Variants in DCAF4 observed in about 807,000 individuals in gnomAD.
The protein encoded by DCAF4 is DDB1- and CUL4-associated factor 4.
A neutral mutation model predicts 60.9 loss-of-function variants in DCAF4; 37 were observed. The observed-to-expected ratio is 0.61, with a 90% CI of 0.47 to 0.80. The LOEUF is 0.80. Ranked by LOEUF, DCAF4 falls within the 30% of genes least tolerant of loss-of-function variation. DCAF4 has a pLI of 0.00. For missense variants in DCAF4, 577 were observed against 650.0 expected, an observed-to-expected ratio of 0.89 and a Z score of 1.22; for synonymous variants, 243 against 254.8, an observed-to-expected ratio of 0.95 and a Z score of 0.44.
In DCAF4 at chr14:72,958,780, A is replaced by T. The variant is rs936190758; in HGVS notation, c.1463A>T (p.Asp488Val). The T allele has an allele frequency of 6.3e-7, 1 of 1,584,974 alleles. No homozygotes were observed. Among genetic ancestry groups the T allele is most frequent in the Non-Finnish European group, 8.6e-7 (1 of 1,166,792 alleles). The stretch of plus-strand genomic sequence containing the variant: ...GGGCTGCTCATGGCTGTCGGGCAGG[A>T]CCTTTACTGTTACTCCTACAGCTAA... ...APGLLMAVGQ[D>V]LYCYSYS Residue 488 changes from aspartate to valine, a missense_variant, in exon 14 of 14, where the codon GAC becomes GTC. Coordinates refer to ENST00000358377, the MANE Select transcript of DCAF4 (RefSeq NM_015604.4).
intron 1 of DCAF4, among the ~76,000 whole-genome samples, chr14:72,931,410 A>G (rs555244924): frequency 6.6e-6 from 1 of 152,008 alleles, no homozygotes; most frequent in African/African-American, 2.4e-5. Flanking sequence ...TGGTTTTTCT[A>G]TATTGATCTT....
At chr14:72,954,850 T>C (rs904823908) in intron 11 of DCAF4, among the ~76,000 whole-genome samples, 1 of 152,134 alleles carries the variant, frequency 6.6e-6, no homozygotes. Flanking sequence ...CAGTGGCTAA[T>C]GAATGGCTGT....
chr14:72,932,688 A>G (rs945039333), intron 1 of DCAF4, among the ~76,000 whole-genome samples: 1 of 152,140 alleles, frequency 6.6e-6, no homozygotes, highest in Non-Finnish European at 1.5e-5. Flanking sequence ...AGTGCTTCCT[A>G]CATAGAACAG....
At chr14:72,933,360 A>C (rs1018612261) in intron 1 of DCAF4, among the ~76,000 whole-genome samples, 6 of 152,160 alleles carry the variant, frequency 3.9e-5, no homozygotes, top group Non-Finnish European at 5.9e-5. Context: ...GGAGTTCGAG[A>C]CCAGCCTGGC....
intron 4 of DCAF4, among the ~76,000 whole-genome samples, chr14:72,940,950 T>C (rs931155680): frequency 1.7e-5 from 2 of 116,460 alleles, no homozygotes; most frequent in African/African-American, 6.2e-5. Flanking sequence ...CAGTGTGATA[T>C]AATTTTAGTA....
At position 72,954,153 on chromosome 14, in the gene DCAF4, C is replaced by A. The variant is rs1891952370; in HGVS notation, c.809-11C>A. The A allele has an allele frequency of 6.2e-7, 1 of 1,613,930 alleles. No individual in the cohort carries two copies. Among genetic ancestry groups the A allele is most frequent in the Non-Finnish European group, 8.5e-7 (1 of 1,179,848 alleles). On this transcript the variant is annotated splice_polypyrimidine_tract_variant and intron_variant, in intron 9 of 13. Coordinates refer to ENST00000358377, the MANE Select transcript of DCAF4 (RefSeq NM_015604.4). ...GCAGCCACACTTTACATTCTCCTAT[C>A]CCCTTAGCAGGAATAGACCGGCCTG...
intron 7 of DCAF4, among the ~76,000 whole-genome samples, 170 bp downstream of exon 7, chr14:72,946,197 C>T (rs1240324947): frequency 7.1e-6 from 1 of 140,090 alleles, no homozygotes; most frequent in Non-Finnish European, 1.5e-5. Context: ...ACCTGGGCAG[C>T]ATAACATGCA....
chr14:72,953,320 C>G (rs1237121642), intron 9 of DCAF4, among the ~76,000 whole-genome samples: 1 of 151,888 alleles, frequency 6.6e-6, no homozygotes, highest in Non-Finnish European at 1.5e-5. Context: ...TATTTCTTAA[C>G]CTGGGTGGTG....
At chr14:72,941,075 T>C (rs1012429001) in intron 4 of DCAF4, among the ~76,000 whole-genome samples, 3 of 152,086 alleles carry the variant, frequency 2.0e-5, no homozygotes, top group African/African-American at 7.2e-5. Flanking sequence ...GTGATCCTCC[T>C]GCCTCAGCCT....
At position 72,955,944 on chromosome 14, in the gene DCAF4, A is replaced by G. The variant is rs1273969889; in HGVS notation, c.1179+248A>G. Reference sequence around the variant, plus strand: ...TTTTTTTTTTTTTTTTTTTTTTGAGATGGAGTCTTGCTCTGTCGCCCGGGC... The same window carrying G: ...TTTTTTTTTTTTTTTTTTTTTTGAGGTGGAGTCTTGCTCTGTCGCCCGGGC... On this transcript the variant is annotated intron_variant, in intron 12 of 13. Coordinates refer to ENST00000358377, the MANE Select transcript of DCAF4 (RefSeq NM_015604.4). Among the ~76,000 whole-genome samples the G allele has an allele frequency of 2.6e-4, 20 of 77,016 alleles. No individual in the cohort carries two copies. The East Asian group carries it at 8.6e-3, about 33-fold the overall frequency. 50.5% of individuals were successfully genotyped at this position (77,016 alleles called of 152,430 possible).
At chr14:72,947,239 C>T (rs753341756) in intron 8 of DCAF4, 48 bp downstream of exon 8, 34 of 1,606,750 alleles carry the variant, frequency 2.1e-5, no homozygotes, top group Admixed American at 3.3e-5. Flanking sequence ...CACACCCTGA[C>T]GTTGGACCTG....
At chr14:72,947,831 G>A (rs889763053) in intron 8 of DCAF4, among the ~76,000 whole-genome samples, 3 of 152,138 alleles carry the variant, frequency 2.0e-5, no homozygotes, top group Non-Finnish European at 2.9e-5. Context: ...CTGCCTTCCC[G>A]GAGAGCAAGC....
At chr14:72,929,870 C>T (rs1275432309) in intron 1 of DCAF4, 4 of 1,474,350 alleles carry the variant, frequency 2.7e-6, no homozygotes, top group Non-Finnish European at 3.7e-6. Context: ...GGCTTGCTCA[C>T]GTTCTTGGTC....
chr14:72,929,701 C>T, intron 1 of DCAF4: 1 of 1,289,240 alleles, frequency 7.8e-7, no homozygotes, highest in Non-Finnish European at 1.1e-6. Flanking sequence ...TGCGTCCCCA[C>T]CCTTTTCTTG....
rs987561983 is a variant in DCAF4, at chr14:72,938,131, G to A, written c.92+61G>A. The stretch of plus-strand genomic sequence containing the variant: ...GTGTGCTTCTGGCATTGTACACATG[G>A]CATGTCACACGATCACAGGTGTGGA... On this transcript the variant is annotated intron_variant, in intron 2 of 13. Transcript: ENST00000358377. 5 of 1,531,578 alleles carry A rather than the reference G, an allele frequency of 3.3e-6. No homozygotes were observed. In the African/African-American group the frequency reaches 5.6e-5, roughly 17 times the overall value. 94.9% of individuals were successfully genotyped at this position (1,531,578 alleles called of 1,614,324 possible).
intron 8 of DCAF4, 151 bp downstream of exon 8, chr14:72,947,342 T>G: frequency 1.1e-6 from 1 of 896,598 alleles, no homozygotes. Flanking sequence ...AAAAGCAGCG[T>G]ACCTGGATAG....
chr14:72,932,880 TTTTC>T (rs142782008), intron 1 of DCAF4, among the ~76,000 whole-genome samples: 40,427 of 151,368 alleles, frequency 0.27, 5,775 homozygotes, highest in Non-Finnish European at 0.31. Context: ...AATAATTTTT[TTTTC>T]TTTCTTTCTT....
rs770806933 is a variant in DCAF4, at chr14:72,940,295, C to T, written c.269C>T (p.Pro90Leu). ...CTCCCTGGACATAACAACTGCAACC[C>T]CCTGACGAAAGAGAGCATCCGGCAG... The part of the protein sequence containing the change: ...RLLPGHNNCN[P>L]LTKESIRQKE... The change falls in exon 4 of 14, where the codon CCC becomes CTC. Residue 90 changes from proline to leucine, a missense_variant. Physicochemically the swap from Pro to Leu is moderately conservative, Grantham distance 98. Transcript: ENST00000358377. The T allele has an allele frequency of 2.5e-6, 4 of 1,614,120 alleles. No individual in the cohort carries two copies. The Admixed American group carries it at 5.0e-5, about 20-fold the overall frequency.
rs980159419 is a variant in DCAF4 at position 72,951,949 on chromosome 14, G to T, written c.808+72G>T. On this transcript the variant is annotated intron_variant, in intron 9 of 13. Coordinates refer to ENST00000358377, the MANE Select transcript of DCAF4 (RefSeq NM_015604.4). The stretch of plus-strand genomic sequence containing the variant: ...GAGCTGTGTGGGGGTGGCTTAGAGA[G>T]AAGTATGGGGCCGCTGCAGAGGCAC... The T allele has an allele frequency of 9.2e-6, 14 of 1,514,790 alleles. No homozygotes were observed. The Admixed American group carries it at 2.3e-4, about 25-fold the overall frequency. 93.8% of individuals were successfully genotyped at this position (1,514,790 alleles called of 1,614,324 possible).
Sources: allele counts gnomAD v4.1 joint callset (sites outside exome capture counted in the v4.1 genomes callset), GRCh38; gene constraint gnomAD v4.1.1; transcripts MANE v1.5; gene names NCBI Gene and HGNC (gene_info 2026-07-23, HGNC 2026-07-21).